Variants in SLA observed in about 807,000 individuals in gnomAD.
SLA encodes Src like adaptor.
In SLA, 16 loss-of-function variants were observed where a neutral mutation model predicts 30.3. The ratio of observed to expected loss-of-function variants is 0.53; its 90% confidence interval spans 0.36 to 0.80. The LOEUF is 0.80. Among genes scored for constraint, SLA ranks in the 30% least tolerant of loss-of-function variants. SLA has a pLI of 0.01. For missense variants in SLA, 310 were observed against 345.2 expected, an observed-to-expected ratio of 0.90 and a Z score of 0.81; for synonymous variants, 143 against 137.8, an observed-to-expected ratio of 1.04 and a Z score of -0.26.
chr8:133,045,597 A>T (rs1564111084), intron 6 of SLA, among the ~76,000 whole-genome samples: 1 of 151,800 alleles, frequency 6.6e-6, no homozygotes, highest in Non-Finnish European at 1.5e-5. Context: ...GTGTTGCTAC[A>T]TTGCCCAGGC....
Position 133,054,377 on chromosome 8 carries a change from G to C in SLA, c.62-3462C>G, listed in dbSNP as rs534907444. 7.9e-5 allele frequency among the ~76,000 whole-genome samples: 12 copies of C among 152,274 alleles called. No individual in the cohort carries two copies. In the East Asian group the frequency reaches 2.3e-3, roughly 29 times the overall value. ...GAGAATGGGGCTTTGAAACCAATCA[G>C]AACTGGCTTACATCCCACCTCCGCC... On this transcript the variant is annotated intron_variant, in intron 3 of 8. Coordinates refer to ENST00000338087, the MANE Select transcript of SLA (RefSeq NM_001045556.3).
intron 2 of SLA, among the ~76,000 whole-genome samples, chr8:133,068,074 A>T (rs182902142): frequency 2.0e-3 from 302 of 152,320 alleles, no homozygotes; most frequent in Non-Finnish European, 3.5e-3. Flanking sequence ...TTGATAGGAT[A>T]CCTCAATCCT....
intron 2 of SLA, among the ~76,000 whole-genome samples, chr8:133,069,029 C>A (rs1216043155): frequency 6.6e-6 from 1 of 152,228 alleles, no homozygotes; most frequent in Non-Finnish European, 1.5e-5. Context: ...TTATTTTAAT[C>A]CTAGCCATTA....
At chr8:133,060,298 G>A in intron 2 of SLA, 98 bp from the exon 3 acceptor site, 1 of 1,575,230 alleles carries the variant, frequency 6.3e-7, no homozygotes, top group East Asian at 2.4e-5. Flanking sequence ...CATTTTTCTG[G>A]CAGCTTGCTT....
intron 1 of SLA, among the ~76,000 whole-genome samples, chr8:133,077,735 A>ATGTGTGTGTGTGTG (rs34749093): frequency 1.4e-5 from 2 of 148,062 alleles, no homozygotes; most frequent in South Asian, 4.3e-4. Context: ...TCTGGTGTGT[A>ATGTGTGTGTGTGTG]TGTGTGTGTG....
chr8:133,065,691 G>A (rs1842936559), intron 2 of SLA, among the ~76,000 whole-genome samples: 1 of 152,082 alleles, frequency 6.6e-6, no homozygotes, highest in African/African-American at 2.4e-5. Flanking sequence ...GAACCCAGTG[G>A]GCGGAGGTGG....
At chr8:133,101,848 G>A (rs2979023) in intron 1 of SLA, among the ~76,000 whole-genome samples, 1 of 147,086 alleles carries the variant, frequency 6.8e-6, no homozygotes, top group Non-Finnish European at 1.5e-5. Flanking sequence ...CTGTCAGCTG[G>A]AGTGACACAA....
chr8:133,071,248 A>G (rs937980273), intron 2 of SLA, among the ~76,000 whole-genome samples: 2 of 152,206 alleles, frequency 1.3e-5, no homozygotes, highest in Non-Finnish European at 2.9e-5. Context: ...ATGCATCATT[A>G]CGCTGAGGCC....
At chr8:133,060,931 C>T (rs1010893966) in intron 2 of SLA, among the ~76,000 whole-genome samples, 27 of 152,320 alleles carry the variant, frequency 1.8e-4, no homozygotes, top group African/African-American at 5.8e-4. Context: ...TGCTCCATAA[C>T]GGTTTTCAAG....
chr8:133,091,540 G>A (rs1847528826), intron 1 of SLA, among the ~76,000 whole-genome samples: 1 of 152,112 alleles, frequency 6.6e-6, no homozygotes, highest in Non-Finnish European at 1.5e-5. Flanking sequence ...AAATGCTGCA[G>A]GGTCCATTTC....
intron 3 of SLA, among the ~76,000 whole-genome samples, chr8:133,056,791 A>C (rs1016341176): frequency 2.0e-5 from 3 of 152,162 alleles, no homozygotes; most frequent in African/African-American, 7.2e-5. Context: ...GAGACTAAGG[A>C]GATAAACTCT....
chr8:133,059,131 C>G, intron 3 of SLA: 1 of 456,282 alleles, frequency 2.2e-6, no homozygotes, highest in Middle Eastern at 3.3e-4. Context: ...CAGCCATCTG[C>G]GCCAGTGAAC....
At chr8:133,086,462 A>G (rs1390639173) in intron 1 of SLA, among the ~76,000 whole-genome samples, 7 of 152,224 alleles carry the variant, frequency 4.6e-5, no homozygotes, top group African/African-American at 1.2e-4. Context: ...CTTCTTTAAT[A>G]CGGATGTTCA....
At chr8:133,073,109 A>G (rs2244715) in intron 2 of SLA, 122,838 of 151,992 alleles carry the variant, frequency 0.81, 49,788 homozygotes, top group African/African-American at 0.85. Flanking sequence ...TTCTTTTTAC[A>G]AGGAAAATAC....
At chr8:133,049,279 A>G (rs1238871740) in intron 5 of SLA, 3 of 407,564 alleles carry the variant, frequency 7.4e-6, no homozygotes, top group Non-Finnish European at 1.5e-5. Context: ...AGGAAGGCAC[A>G]TAAGCATTTT....
At chr8:133,077,716 A>G (rs1845108203) in intron 1 of SLA, among the ~76,000 whole-genome samples, 1 of 150,094 alleles carries the variant, frequency 6.7e-6, no homozygotes, top group South Asian at 2.1e-4. Flanking sequence ...ATTTTGGATC[A>G]GGGCATTCTC....
chr8:133,040,096 C>T lies in SLA; in HGVS notation c.519G>A (p.Thr173=), dbSNP rs114984671. 1.4e-3 allele frequency: 2,219 copies of T among 1,569,836 alleles called. 24 individuals are homozygous for T. In the African/African-American group the frequency reaches 0.027, roughly 19 times the overall value. ...VADGLCCVLT[T]PCLTQSTAAP... is the part of the protein sequence containing the mutation. ...CAGCCGTGCTTTGTGTCAGGCAGGGCGTGGTGAGCACACAGCACAGGCCAT... is the reference window on the plus strand; with the variant it reads ...CAGCCGTGCTTTGTGTCAGGCAGGGTGTGGTGAGCACACAGCACAGGCCAT... Residue 173 remains threonine (T), a synonymous_variant, in exon 8 of 9, where the codon ACG becomes ACA. Coordinates refer to ENST00000338087, the MANE Select transcript of SLA (RefSeq NM_001045556.3).
At chr8:133,068,002 A>G (rs1362932635) in intron 2 of SLA, among the ~76,000 whole-genome samples, 2 of 152,162 alleles carry the variant, frequency 1.3e-5, no homozygotes, top group Non-Finnish European at 2.9e-5. Context: ...CATAGAATAG[A>G]TGAAAGGGAG....
At chr8:133,091,733 T>C (rs1348753348) in intron 1 of SLA, among the ~76,000 whole-genome samples, 4 of 152,060 alleles carry the variant, frequency 2.6e-5, no homozygotes, top group Admixed American at 2.6e-4. Flanking sequence ...TGTGTCTATG[T>C]GTGTGGGTGT....
Sources: gnomAD v4.1 joint callset for allele counts (sites outside exome capture counted in the v4.1 genomes callset) on GRCh38, gnomAD v4.1.1 for gene constraint, MANE v1.5 for transcripts, NCBI Gene and HGNC (gene_info 2026-07-23, HGNC 2026-07-21) for gene names.